TECPR2: variants seen among roughly 807,000 people sequenced by gnomAD.
The protein encoded by TECPR2 is tectonin beta-propeller repeat containing 2.
A neutral mutation model predicts 138.1 loss-of-function variants in TECPR2; 65 were observed. The observed-to-expected ratio is 0.47, with a 90% CI of 0.39 to 0.58. The LOEUF (loss-of-function observed/expected upper bound fraction) is 0.58. Among genes scored for constraint, TECPR2 ranks in the 20% least tolerant of loss-of-function variants. The probability of loss-of-function intolerance (pLI) is 0.00; values close to 1 mark genes in which losing one functional copy is unlikely to be tolerated. For synonymous variants in TECPR2, 746 were observed against 749.8 expected, an observed-to-expected ratio of 0.99 and a Z score of 0.08; for missense variants, 1,553 against 1,824.5, an observed-to-expected ratio of 0.85 and a Z score of 2.71.
rs28668093 is a variant in TECPR2 at position 102,394,391 on chromosome 14, C to T, written c.220-12947C>T. On this transcript the variant is annotated intron_variant, in intron 2 of 19. Coordinates refer to ENST00000359520, the MANE Select transcript of TECPR2 (RefSeq NM_014844.5). ...GAGGCTGAGGCAGGATCACTGGAGT[C>T]CAGGAGTTTGAGACCAGCCTAGGCA... 7.7e-3 allele frequency among the ~76,000 whole-genome samples: 1,169 copies of T among 152,126 alleles called. 19 individuals carry two copies. Among genetic ancestry groups the T allele is most frequent in the African/African-American group, 0.026 (1,095 of 41,492 alleles).
intron 2 of TECPR2, among the ~76,000 whole-genome samples, chr14:102,401,771 C>T (rs1247866748): frequency 7.4e-6 from 1 of 134,596 alleles, no homozygotes; most frequent in African/African-American, 2.8e-5. Context: ...CACCACTGTA[C>T]TCCAGCCTGT....
chr14:102,452,578 G>C lies in TECPR2; in HGVS notation c.3591G>C (p.Lys1197Asn). 6.2e-7 allele frequency: 1 copy of C among 1,608,782 alleles called. No individual in the cohort carries two copies. Among genetic ancestry groups the C allele is most frequent in the South Asian group, 1.1e-5 (1 of 90,066 alleles). Residue 1197 changes from lysine to asparagine, a missense_variant, in exon 16 of 20, where the codon AAG becomes AAC. Lys to Asn is a moderately conservative substitution (Grantham distance 94, BLOSUM62 0). Coordinates refer to ENST00000359520, the MANE Select transcript of TECPR2 (RefSeq NM_014844.5). ...LGQVFIRTLS[K>N]SCPTGMHWTR... The stretch of plus-strand genomic sequence containing the variant: ...AGGTGTTCATCAGGACGCTCTCCAA[G>C]AGCTGCCCCACGGGCATGCACTGGA...
At chr14:102,435,277 A>C in intron 9 of TECPR2, 66 bp downstream of exon 9, 2 of 1,502,234 alleles carry the variant, frequency 1.3e-6, no homozygotes, top group Non-Finnish European at 1.8e-6. Context: ...AATTGTCAAG[A>C]CTGATTATTT....
At chr14:102,391,388 G>A (rs893837718) in intron 2 of TECPR2, among the ~76,000 whole-genome samples, 15 of 152,132 alleles carry the variant, frequency 9.9e-5, no homozygotes, top group East Asian at 1.9e-4. Context: ...AGATATACAC[G>A]CATGTGGTAA....
intron 1 of TECPR2, among the ~76,000 whole-genome samples, chr14:102,365,975 A>G (rs909732756): frequency 6.6e-6 from 1 of 152,232 alleles, no homozygotes; most frequent in Non-Finnish European, 1.5e-5. Context: ...AATAATTAAT[A>G]GATGTCGTAG....
chr14:102,431,290 A>C (rs1370369905), intron 7 of TECPR2, among the ~76,000 whole-genome samples: 1 of 151,600 alleles, frequency 6.6e-6, no homozygotes, highest in East Asian at 1.9e-4. Flanking sequence ...TTCTTGAAGA[A>C]CAAAAACTGT....
At chr14:102,430,544 T>C (rs773340988) in intron 7 of TECPR2, among the ~76,000 whole-genome samples, 3 of 152,192 alleles carry the variant, frequency 2.0e-5, no homozygotes, top group Non-Finnish European at 4.4e-5. Context: ...GCTAGCCCTG[T>C]GTCTGGCACA....
chr14:102,484,391 C>G (rs565569910), intron 17 of TECPR2, among the ~76,000 whole-genome samples: 1 of 152,230 alleles, frequency 6.6e-6, no homozygotes, highest in African/African-American at 2.4e-5. Flanking sequence ...TCTAGTTCGC[C>G]TTTTACATGG....
At chr14:102,425,369 AC>A (rs1889289807) in intron 6 of TECPR2, 78 bp downstream of exon 6, 21 of 1,419,644 alleles carry the variant, frequency 1.5e-5, no homozygotes, top group Non-Finnish European at 2.0e-5. Context: ...CTACTCAGGG[AC>A]CTCAGAATGC....
chr14:102,374,700 A>G (rs1044241957), intron 1 of TECPR2, among the ~76,000 whole-genome samples: 1 of 152,140 alleles, frequency 6.6e-6, no homozygotes, highest in Non-Finnish European at 1.5e-5. Context: ...TAATTTTTAA[A>G]AATATTTTTT....
intron 18 of TECPR2, 100 bp from the exon 19 acceptor site, chr14:102,497,470 G>T: frequency 1.4e-6 from 2 of 1,382,858 alleles, no homozygotes. Context: ...TCCCCGCAGG[G>T]ACCCTGGTGG....
rs1451899042 is a variant in TECPR2, at chr14:102,500,487, A to G, written c.*2230A>G. 2 of 152,326 alleles carry G rather than the reference A, an allele frequency of 1.3e-5. No homozygotes were observed. Among genetic ancestry groups the G allele is most frequent in the Non-Finnish European group, 2.9e-5 (2 of 68,120 alleles). The allele number at this position is 152,326 out of a possible 1,614,324, so 9.4% of individuals were successfully genotyped here. On this transcript the variant is annotated 3_prime_UTR_variant, in exon 20 of 20. Transcript: ENST00000359520. ...GAGGGGTTCGAGCCCCTGGTTCTGT[A>G]TCTTCAGCCAGCAAACGAAACCATA... is the stretch of plus-strand genomic sequence containing the variant.
rs149989831 is a variant in TECPR2, at chr14:102,464,820, C to T, written c.3641-321C>T. Among the ~76,000 whole-genome samples the T allele has an allele frequency of 8.5e-4, 129 of 152,252 alleles. 1 individual carries two copies. The highest frequency in any genetic ancestry group is 3.0e-3 in the African/African-American group (125 of 41,546). On this transcript the variant is annotated intron_variant, in intron 16 of 19. Transcript: ENST00000359520. ...ACATTGAGATACTAATCCCAGGGCT[C>T]GGTGGTTCAGGGCACTGTACTGACA...
At chr14:102,376,110 C>T (rs1887633359) in intron 1 of TECPR2, among the ~76,000 whole-genome samples, 1 of 152,194 alleles carries the variant, frequency 6.6e-6, no homozygotes, top group Admixed American at 6.5e-5. Flanking sequence ...ACCTGTTCTT[C>T]ACCATCTCAT....
Position 102,419,727 on chromosome 14 carries a change from C to T in TECPR2, c.638+4934C>T, listed in dbSNP as rs1045585485. 6.6e-6 allele frequency among the ~76,000 whole-genome samples: 1 copy of T among 152,128 alleles called. No homozygotes were observed. The highest frequency in any genetic ancestry group is 1.5e-5 in the Non-Finnish European group (1 of 68,008). Reference sequence around the variant, plus strand: ...GTTACATCCAGAAAACCTCAGAGGCCCTAGCCATCTGCAACCGTGGGTTTG... The same window carrying T: ...GTTACATCCAGAAAACCTCAGAGGCTCTAGCCATCTGCAACCGTGGGTTTG... On this transcript the variant is annotated intron_variant, in intron 5 of 19. Transcript: ENST00000359520. This position sits in a 1 kb window ranked among gnomAD's most constrained non-coding sequence, Gnocchi z 4.8.
intron 5 of TECPR2, among the ~76,000 whole-genome samples, chr14:102,422,278 T>G (rs565497186): frequency 4.6e-5 from 7 of 152,336 alleles, no homozygotes; most frequent in Non-Finnish European, 8.8e-5. Flanking sequence ...TGGAATACAT[T>G]AAGTCCTCGT....
chr14:102,374,390 C>G (rs899232088), intron 1 of TECPR2, among the ~76,000 whole-genome samples: 2 of 152,082 alleles, frequency 1.3e-5, no homozygotes, highest in Non-Finnish European at 2.9e-5. Context: ...ATTTAAGAGA[C>G]AGTGTCTCAC....
intron 1 of TECPR2, among the ~76,000 whole-genome samples, chr14:102,363,442 C>G (rs941166523): frequency 1.3e-5 from 2 of 152,218 alleles, no homozygotes; most frequent in Non-Finnish European, 2.9e-5. Context: ...TCCCGGCTGC[C>G]GGTCTGGCCG....
At chr14:102,439,028 A>T (rs960431652) in intron 10 of TECPR2, among the ~76,000 whole-genome samples, 27 of 151,274 alleles carry the variant, frequency 1.8e-4, no homozygotes, top group African/African-American at 6.3e-4. Flanking sequence ...CGCCCAGCTA[A>T]TTTTTTTGTA....
Sources: allele counts gnomAD v4.1 joint callset (sites outside exome capture counted in the v4.1 genomes callset), GRCh38; gene constraint gnomAD v4.1.1; non-coding constraint Gnocchi (gnomAD v3.1); transcripts MANE v1.5; gene names NCBI Gene and HGNC (gene_info 2026-07-23, HGNC 2026-07-21).